Variants in SMAD3 observed in about 807,000 individuals in gnomAD.
SMAD3 encodes MAD homolog 3.
A neutral mutation model predicts 51.8 loss-of-function variants in SMAD3; 12 were observed. That is an observed-to-expected ratio of 0.23 (90% CI 0.15 to 0.38). The LOEUF is 0.38. Among genes scored for constraint, SMAD3 ranks in the 10% least tolerant of loss-of-function variants. The pLI, the probability that SMAD3 is intolerant of heterozygous loss-of-function variation, is 1.00. For missense variants in SMAD3, 294 were observed against 565.6 expected, an observed-to-expected ratio of 0.52 and a Z score of 4.87; for synonymous variants, 238 against 227.7, an observed-to-expected ratio of 1.05 and a Z score of -0.41.
chr15:67,132,922 C>G (rs945994856), intron 1 of SMAD3, among the ~76,000 whole-genome samples: 3 of 152,156 alleles, frequency 2.0e-5, no homozygotes, highest in African/African-American at 7.2e-5. Context: ...TTAAAACAGC[C>G]CACCATGAAG....
chr15:67,132,715 G>T (rs1961555526), intron 1 of SMAD3, among the ~76,000 whole-genome samples: 1 of 152,202 alleles, frequency 6.6e-6, no homozygotes, highest in African/African-American at 2.4e-5. Flanking sequence ...ACTGTTGCAT[G>T]AATTGAATGA....
chr15:67,080,674 C>T (rs1275924288), intron 1 of SMAD3, among the ~76,000 whole-genome samples: 2 of 152,150 alleles, frequency 1.3e-5, no homozygotes, highest in Admixed American at 6.5e-5. Context: ...TTTGGAAGGC[C>T]TTGAGGAAGG....
At chr15:67,178,623 G>A (rs1962968902) in intron 5 of SMAD3, among the ~76,000 whole-genome samples, 1 of 151,954 alleles carries the variant, frequency 6.6e-6, no homozygotes, top group African/African-American at 2.4e-5. Context: ...GTGGTGGCCA[G>A]CAGCACTGAT....
intron 2 of SMAD3, 35 bp from the exon 3 acceptor site, chr15:67,165,218 C>A: frequency 1.2e-6 from 2 of 1,614,158 alleles, no homozygotes; most frequent in Non-Finnish European, 1.7e-6. Context: ...CTGGCATCGA[C>A]ACTGAGCCAC....
chr15:67,111,482 G>T (rs76311355), intron 1 of SMAD3, among the ~76,000 whole-genome samples: 463 of 152,256 alleles, frequency 3.0e-3, no homozygotes, highest in Non-Finnish European at 4.3e-3. Flanking sequence ...GTGGAAATGT[G>T]TTTTCATTTA....
chr15:67,164,239 C>T (rs538872168), intron 1 of SMAD3, among the ~76,000 whole-genome samples: 176 of 137,186 alleles, frequency 1.3e-3, no homozygotes, highest in African/African-American at 4.5e-3. Flanking sequence ...GGCATGAACC[C>T]GGGAGGCAGA....
chr15:67,160,511 G>A (rs1031506822), intron 1 of SMAD3, among the ~76,000 whole-genome samples: 5 of 152,000 alleles, frequency 3.3e-5, no homozygotes, highest in African/African-American at 1.2e-4. Flanking sequence ...AGTGGCTCAC[G>A]CCTGTAATCC....
At chr15:67,133,783 G>A (rs1961586489) in intron 1 of SMAD3, among the ~76,000 whole-genome samples, 1 of 152,132 alleles carries the variant, frequency 6.6e-6, no homozygotes, top group South Asian at 2.1e-4. Context: ...CTGAAAAGTG[G>A]CAGGGACCTT....
In SMAD3 at chr15:67,065,614, G is replaced by A. The variant is rs1566955857; in HGVS notation, c.-541G>A. 6.6e-6 allele frequency among the ~76,000 whole-genome samples: 1 copy of A among 151,270 alleles called. No individual in the cohort carries two copies. The highest frequency in any genetic ancestry group is 1.5e-5 in the Non-Finnish European group (1 of 67,654). ...CGCGGATTTGCATGAAACACAGACT[G>A]GGAGCGGGCGGGAGCGGGAGCGCGG... is the stretch of plus-strand genomic sequence containing the variant. On this transcript the variant is annotated 5_prime_UTR_variant, in exon 1 of 9. Coordinates refer to ENST00000327367, the MANE Select transcript of SMAD3 (RefSeq NM_005902.4).
intron 1 of SMAD3, among the ~76,000 whole-genome samples, chr15:67,097,263 T>C (rs1223630782): frequency 1.3e-5 from 2 of 152,138 alleles, no homozygotes; most frequent in Non-Finnish European, 2.9e-5. Flanking sequence ...CCACTCAGGC[T>C]GGAAGGCAGT....
Position 67,160,770 on chromosome 15 carries a change from C to CAAAAAAAAAAAAAA in SMAD3, c.207-4096_207-4083dup, listed in dbSNP as rs547354315. Among the ~76,000 whole-genome samples, 11 of 61,040 alleles carry CAAAAAAAAAAAAAA rather than the reference C, an allele frequency of 1.8e-4. 1 individual carries two copies. The highest frequency in any genetic ancestry group is 5.9e-4 in the African/African-American group (8 of 13,630). 40.0% of individuals were successfully genotyped at this position (61,040 alleles called of 152,430 possible). ...TGGGCGACAGAGCGAGACTCCATCT[C>CAAAAAAAAAAAAAA]AAAAAAAAAAAAAAAAAAAAAAAAA... On this transcript the variant is annotated intron_variant, in intron 1 of 8. Coordinates refer to ENST00000327367, the MANE Select transcript of SMAD3 (RefSeq NM_005902.4).
intron 1 of SMAD3, chr15:67,098,668 G>A: frequency 1.8e-6 from 1 of 559,382 alleles, no homozygotes; most frequent in Non-Finnish European, 3.2e-6. Context: ...GCCACAGTGA[G>A]CTAATTAAAG....
At chr15:67,184,941 C>G in intron 7 of SMAD3, 77 bp downstream of exon 7, 1 of 1,561,594 alleles carries the variant, frequency 6.4e-7, no homozygotes, top group Non-Finnish European at 8.8e-7. Context: ...GAGAGTCCAC[C>G]TTTCTCACCT....
chr15:67,089,806 G>A (rs1960472846), intron 1 of SMAD3, among the ~76,000 whole-genome samples: 1 of 152,256 alleles, frequency 6.6e-6, no homozygotes, highest in Admixed American at 6.5e-5. Flanking sequence ...GTCTGGATGA[G>A]CAGGCGCAGA....
In SMAD3 at chr15:67,096,130, A is replaced by T. The variant is rs55849388; in HGVS notation, c.206+29770A>T. ...GATGACATTCTAAGAAACATCAACG[A>T]CCAAAGAACCCCATCATATCCTTTA... On this transcript the variant is annotated intron_variant, in intron 1 of 8. Transcript: ENST00000327367. Among the ~76,000 whole-genome samples, 694 of 152,324 alleles carry T rather than the reference A, an allele frequency of 4.6e-3. 5 individuals carry two copies. Among genetic ancestry groups the T allele is most frequent in the African/African-American group, 0.016 (656 of 41,566 alleles).
chr15:67,165,854 G>C (rs1172317198), intron 3 of SMAD3, among the ~76,000 whole-genome samples: 1 of 152,208 alleles, frequency 6.6e-6, no homozygotes, highest in Admixed American at 6.5e-5. Flanking sequence ...AAGTGACTTT[G>C]AGTTTTCACT....
At chr15:67,077,476 G>A (rs537383005) in intron 1 of SMAD3, among the ~76,000 whole-genome samples, 28 of 152,156 alleles carry the variant, frequency 1.8e-4, no homozygotes, top group Non-Finnish European at 3.8e-4. Flanking sequence ...CACTGAATGT[G>A]CCTTTGTTTG....
At chr15:67,155,400 C>T (rs554390339) in intron 1 of SMAD3, among the ~76,000 whole-genome samples, 73 of 152,282 alleles carry the variant, frequency 4.8e-4, no homozygotes, top group African/African-American at 1.7e-3. Context: ...TTATTTGTTC[C>T]TTTATTAAGC....
At chr15:67,151,832 A>C (rs1363139072) in intron 1 of SMAD3, among the ~76,000 whole-genome samples, 1 of 152,174 alleles carries the variant, frequency 6.6e-6, no homozygotes, top group African/African-American at 2.4e-5. Flanking sequence ...GGAAGCATTC[A>C]ATATCCTCCT....
Sources: gnomAD v4.1 joint callset for allele counts (sites outside exome capture counted in the v4.1 genomes callset) on GRCh38, gnomAD v4.1.1 for gene constraint, MANE v1.5 for transcripts, NCBI Gene and HGNC (gene_info 2026-07-23, HGNC 2026-07-21) for gene names.